PTPRQ: variants seen among roughly 807,000 people sequenced by gnomAD.
The protein encoded by PTPRQ is phosphatidylinositol phosphatase PTPRQ.
Under a neutral mutation model 246.0 loss-of-function variants are expected in PTPRQ, and 199 were observed. That is an observed-to-expected ratio of 0.81 (90% CI 0.72 to 0.91). The LOEUF (loss-of-function observed/expected upper bound fraction) is 0.91. Among genes scored for constraint, PTPRQ ranks in the 40% least tolerant of loss-of-function variants. PTPRQ has a pLI of 0.00. For missense variants in PTPRQ, 2,624 were observed against 2,528.4 expected (o/e 1.04, Z -0.81); for synonymous variants, 869 against 853.2 (o/e 1.02, Z -0.32).
chr12:80,621,076 A>G (rs1048807951), intron 32 of PTPRQ, among the ~76,000 whole-genome samples: 4 of 151,822 alleles, frequency 2.6e-5, no homozygotes, highest in Non-Finnish European at 5.9e-5. Context: ...TTTTAAATGC[A>G]GGTGCTTTCA....
At chr12:80,625,993 C>T (rs1324367078) in intron 33 of PTPRQ, among the ~76,000 whole-genome samples, 1 of 152,158 alleles carries the variant, frequency 6.6e-6, no homozygotes, top group Non-Finnish European at 1.5e-5. Flanking sequence ...ACAGGGCTCT[C>T]ATTAAAGCTG....
intron 18 of PTPRQ, among the ~76,000 whole-genome samples, chr12:80,534,517 G>T (rs1895932252): frequency 6.6e-6 from 1 of 151,976 alleles, no homozygotes; most frequent in Non-Finnish European, 1.5e-5. Context: ...TAAAATGCAT[G>T]AATCATTTGT....
intron 8 of PTPRQ, among the ~76,000 whole-genome samples, chr12:80,479,399 C>T (rs1187965530): frequency 1.3e-5 from 2 of 151,916 alleles, no homozygotes; most frequent in African/African-American, 2.4e-5. Flanking sequence ...AAAGGAACAA[C>T]TGGTACCAGC....
At chr12:80,636,882 G>A (rs139049033) in intron 35 of PTPRQ, among the ~76,000 whole-genome samples, 32 of 152,262 alleles carry the variant, frequency 2.1e-4, no homozygotes, top group African/African-American at 7.2e-4. Context: ...GGCAGACTGT[G>A]GTGAGATTCA....
intron 3 of PTPRQ, chr12:80,454,477 C>T (rs142586886): frequency 4.1e-5 from 29 of 702,244 alleles, no homozygotes; most frequent in Non-Finnish European, 6.5e-5. Flanking sequence ...CTTGCTTGAT[C>T]GCTCTGGCTA....
At chr12:80,535,555 A>G (rs1895961660) in intron 19 of PTPRQ, among the ~76,000 whole-genome samples, 1 of 152,186 alleles carries the variant, frequency 6.6e-6, no homozygotes, top group African/African-American at 2.4e-5. Context: ...GATGAAATGA[A>G]GACCACTCGG....
intron 25 of PTPRQ, among the ~76,000 whole-genome samples, chr12:80,568,600 C>A (rs1203063125): frequency 6.6e-6 from 1 of 152,176 alleles, no homozygotes; most frequent in African/African-American, 2.4e-5. Context: ...ATGGTCAGCT[C>A]TTTGTTCTGA....
chr12:80,453,122 T>C (rs1286152879), intron 3 of PTPRQ, among the ~76,000 whole-genome samples: 1 of 152,202 alleles, frequency 6.6e-6, no homozygotes, highest in Non-Finnish European at 1.5e-5. Context: ...CATTTCATCT[T>C]CCATCACTGA....
intron 28 of PTPRQ, 44 bp from the exon 29 acceptor site, chr12:80,613,547 GA>G: frequency 7.0e-7 from 1 of 1,431,480 alleles, no homozygotes; most frequent in Non-Finnish European, 9.3e-7. Flanking sequence ...AGATAAAAAG[GA>G]ATACAATATT....
At chr12:80,593,484 G>A (rs1897869459) in intron 26 of PTPRQ, among the ~76,000 whole-genome samples, 1 of 151,896 alleles carries the variant, frequency 6.6e-6, no homozygotes, top group Non-Finnish European at 1.5e-5. Flanking sequence ...AATAAATAAG[G>A]GAAACAATAT....
intron 6 of PTPRQ, among the ~76,000 whole-genome samples, chr12:80,468,488 A>C (rs1893514487): frequency 6.6e-6 from 1 of 152,204 alleles, no homozygotes; most frequent in Non-Finnish European, 1.5e-5. Flanking sequence ...GTATTAAATA[A>C]AATCAGTAAT....
At chr12:80,547,950 A>T (rs1386337470) in intron 24 of PTPRQ, among the ~76,000 whole-genome samples, 1 of 152,118 alleles carries the variant, frequency 6.6e-6, no homozygotes, top group Non-Finnish European at 1.5e-5. Context: ...ATTAGTGAAG[A>T]ACCTAACTAG....
chr12:80,641,899 C>T (rs578111384), intron 35 of PTPRQ, among the ~76,000 whole-genome samples: 4 of 148,552 alleles, frequency 2.7e-5, no homozygotes, highest in African/African-American at 7.3e-5. Flanking sequence ...CTCTCTCTCG[C>T]TCTCTCTCTT....
chr12:80,472,583 G>A (rs762180914), intron 8 of PTPRQ, among the ~76,000 whole-genome samples: 4 of 152,142 alleles, frequency 2.6e-5, no homozygotes, highest in Non-Finnish European at 5.9e-5. Context: ...ATTTTTAAAT[G>A]TGGAATCTAT....
At chr12:80,467,096 A>C (rs1462081525) in intron 6 of PTPRQ, among the ~76,000 whole-genome samples, 1 of 152,194 alleles carries the variant, frequency 6.6e-6, no homozygotes, top group Non-Finnish European at 1.5e-5. Context: ...GAAAATTTTC[A>C]CAACCTACTC....
chr12:80,465,137 A>G (rs1893347534), intron 6 of PTPRQ: 1 of 145,928 alleles, frequency 6.9e-6, no homozygotes, highest in African/African-American at 2.6e-5. Context: ...AAGAGAGAAG[A>G]ATCAAATAGA....
At chr12:80,482,524 T>A (rs1007844804) in intron 8 of PTPRQ, among the ~76,000 whole-genome samples, 2 of 150,638 alleles carry the variant, frequency 1.3e-5, no homozygotes, top group Non-Finnish European at 2.9e-5. Flanking sequence ...AATTGACAAA[T>A]GGGATCTAAT....
chr12:80,662,555 T>G (rs1900665671), intron 39 of PTPRQ, among the ~76,000 whole-genome samples: 2 of 152,146 alleles, frequency 1.3e-5, no homozygotes, highest in South Asian at 4.1e-4. Flanking sequence ...CAACCCTACT[T>G]TATTCATTGC....
At chr12:80,637,010 A>C (rs1336337849) in intron 35 of PTPRQ, among the ~76,000 whole-genome samples, 1 of 152,142 alleles carries the variant, frequency 6.6e-6, no homozygotes, top group African/African-American at 2.4e-5. Flanking sequence ...CTGTAATCCC[A>C]GCACTTTGGG....
Sources: allele counts gnomAD v4.1 joint callset (sites outside exome capture counted in the v4.1 genomes callset), GRCh38; gene constraint gnomAD v4.1.1; transcripts MANE v1.5; gene names NCBI Gene and HGNC (gene_info 2026-07-23, HGNC 2026-07-21).